The following AKAP11 variants were observed in gnomAD, a reference collection of about 807,000 sequenced individuals.
AKAP11 encodes the protein A-kinase anchoring protein 11, also known as A-kinase anchor protein 11.
In AKAP11, 36 loss-of-function variants were observed where a neutral mutation model predicts 146.1. That is an observed-to-expected ratio of 0.25 (90% CI 0.19 to 0.33). The LOEUF is 0.33. Ranked by LOEUF, AKAP11 falls within the 10% of genes least tolerant of loss-of-function variation. AKAP11 has a pLI of 1.00. For synonymous variants in AKAP11, 780 were observed against 786.5 expected, an observed-to-expected ratio of 0.99 and a Z score of 0.14; for missense variants, 2,201 against 2,197.0, an observed-to-expected ratio of 1.00 and a Z score of -0.04.
rs1961113409 is a variant in AKAP11, at chr13:42,322,165, G to A, written c.*2937G>A. On this transcript the variant is annotated 3_prime_UTR_variant, in exon 13 of 13. Transcript: ENST00000025301. ...TTAAGAGGATTCATGGTGAATATATGTGATAACATCTTTATACTTTGAAAA... is the reference window on the plus strand; with the variant it reads ...TTAAGAGGATTCATGGTGAATATATATGATAACATCTTTATACTTTGAAAA... 2 of 152,218 alleles carry A rather than the reference G, an allele frequency of 1.3e-5. No homozygotes were observed. Among genetic ancestry groups the A allele is most frequent in the African/African-American group, 4.8e-5 (2 of 41,428 alleles). 9.4% of individuals were successfully genotyped at this position (152,218 alleles called of 1,614,324 possible).
chr13:42,287,756 C>T (rs1959178214), intron 3 of AKAP11, among the ~76,000 whole-genome samples: 1 of 152,124 alleles, frequency 6.6e-6, no homozygotes. Context: ...AGACCCATAG[C>T]TTTAAATTGA....
chr13:42,275,487 G>C (rs531189090), intron 1 of AKAP11, among the ~76,000 whole-genome samples: 2 of 152,236 alleles, frequency 1.3e-5, no homozygotes, highest in Non-Finnish European at 2.9e-5. Context: ...AGTTTGCAGG[G>C]CTGCTCCTTT....
chr13:42,288,759 G>C (rs1959184751), intron 3 of AKAP11, among the ~76,000 whole-genome samples: 2 of 152,082 alleles, frequency 1.3e-5, no homozygotes, highest in Admixed American at 1.3e-4. Context: ...ATCTTGAATA[G>C]GCCAGGCTAG....
chr13:42,294,196 A>G (rs940024722), intron 4 of AKAP11, among the ~76,000 whole-genome samples: 4 of 152,158 alleles, frequency 2.6e-5, no homozygotes, highest in South Asian at 2.1e-4. Flanking sequence ...TGACTATACT[A>G]TTGTCCCCAC....
intron 4 of AKAP11, 27 bp from the exon 5 acceptor site, chr13:42,295,668 A>C: frequency 6.2e-7 from 1 of 1,606,416 alleles, no homozygotes; most frequent in Non-Finnish European, 8.5e-7. Flanking sequence ...ATTCAAATTA[A>C]TGGAGGTTTA....
Position 42,302,240 on chromosome 13 carries a change from A to T in AKAP11, c.3494A>T (p.Lys1165Ile). ...NTIEKEEFML[K>I]LMRSLSEEVE... The stretch of plus-strand genomic sequence containing the variant: ...ATAGAAAAAGAAGAGTTCATGTTGA[A>T]ACTCATGCGATCTCTTTCTGAAGAA... Residue 1165 changes from lysine (K) to isoleucine (I), a missense_variant, in exon 8 of 13, where the codon AAA becomes ATA. This residue lies in a region of AKAP11 where 1,867 missense variants were observed against 1,833.5 expected (regional missense o/e 1.02). Transcript: ENST00000025301. The T allele has an allele frequency of 3.1e-6, 5 of 1,614,204 alleles. No homozygotes were observed. Among genetic ancestry groups the T allele is most frequent in the Non-Finnish European group, 4.2e-6 (5 of 1,180,032 alleles).
intron 8 of AKAP11, among the ~76,000 whole-genome samples, chr13:42,306,105 T>TA (rs976848049): frequency 6.6e-6 from 1 of 152,150 alleles, no homozygotes; most frequent in African/African-American, 2.4e-5. Context: ...CATGGCCTCT[T>TA]ACAGAAAACA....
intron 5 of AKAP11, among the ~76,000 whole-genome samples, chr13:42,296,729 C>T (rs960923641): frequency 6.6e-6 from 1 of 151,568 alleles, no homozygotes; most frequent in African/African-American, 2.4e-5. Context: ...AAGTTAAGAC[C>T]TATATGTTGA....
In AKAP11 at chr13:42,286,318, C is replaced by T. The variant is rs1420522938; in HGVS notation, c.-31C>T. ...TCTTTAGGTGTTTTGTGGATTAACT[C>T]TTCATTGATTATATACAACAAAAAA... On this transcript the variant is annotated 5_prime_UTR_variant, in exon 3 of 13. Coordinates refer to ENST00000025301, the MANE Select transcript of AKAP11 (RefSeq NM_016248.4). 3.3e-6 allele frequency: 5 copies of T among 1,495,576 alleles called. No homozygotes were observed. The highest frequency in any genetic ancestry group is 4.6e-6 in the Non-Finnish European group (5 of 1,098,020). The allele number at this position is 1,495,576 out of a possible 1,614,324, so 92.6% of individuals were successfully genotyped here.
rs1255111888 is a variant in AKAP11, at chr13:42,272,178, G to C, written c.-150G>C. On this transcript the variant is annotated 5_prime_UTR_variant, in exon 1 of 13. Coordinates refer to ENST00000025301, the MANE Select transcript of AKAP11 (RefSeq NM_016248.4). ...GCTTGCTTGCCCGGCTCGCTCACGG[G>C]TCGTTGAGGCCGGTGACATGTCTGT... The C allele has an allele frequency of 1.3e-5, 2 of 153,116 alleles. No homozygotes were observed. The highest frequency in any genetic ancestry group is 4.8e-5 in the African/African-American group (2 of 41,408). The allele number at this position is 153,116 out of a possible 1,614,324, so 9.5% of individuals were successfully genotyped here.
At chr13:42,294,320 T>C (rs1404002073) in intron 4 of AKAP11, among the ~76,000 whole-genome samples, 1 of 152,202 alleles carries the variant, frequency 6.6e-6, no homozygotes, top group African/African-American at 2.4e-5. Context: ...AAAAAATGTC[T>C]TACTATGATG....
chr13:42,319,290 T>C lies in AKAP11; in HGVS notation c.*62T>C. On this transcript the variant is annotated 3_prime_UTR_variant, in exon 13 of 13. Coordinates refer to ENST00000025301, the MANE Select transcript of AKAP11 (RefSeq NM_016248.4). ...GGGGAGGGGAACAAGCCAATAAAGATGTTTAGGATAAAATTTGAATAGTGA... is the reference window on the plus strand; with the variant it reads ...GGGGAGGGGAACAAGCCAATAAAGACGTTTAGGATAAAATTTGAATAGTGA... The C allele has an allele frequency of 2.6e-6, 4 of 1,565,196 alleles. No homozygotes were observed. Among genetic ancestry groups the C allele is most frequent in the Middle Eastern group, 3.4e-4 (2 of 5,842 alleles).
chr13:42,321,819 C>T lies in AKAP11; in HGVS notation c.*2591C>T, dbSNP rs1346572114. 6.6e-6 allele frequency: 1 copy of T among 152,214 alleles called. No individual in the cohort carries two copies. The highest frequency in any genetic ancestry group is 1.5e-5 in the Non-Finnish European group (1 of 67,974). 9.4% of individuals were successfully genotyped at this position (152,214 alleles called of 1,614,324 possible). On this transcript the variant is annotated 3_prime_UTR_variant, in exon 13 of 13. Transcript: ENST00000025301. The stretch of plus-strand genomic sequence containing the variant: ...TGTACATTTTGGCCCTTACGAAATA[C>T]GTCTTTTTCAGAACTGTTAAAGTTT...
Position 42,319,125 on chromosome 13 carries a change from G to A in AKAP11, c.5603G>A (p.Gly1868Glu), listed in dbSNP as rs781269640. ...KQLQEKGWKVGDLLQAVLQYY... is the reference protein window; with the variant it reads ...KQLQEKGWKVEDLLQAVLQYY... ...TTACAAGAGAAAGGATGGAAAGTGG[G>A]AGACCTCCTGCAGGCTGTGCTTCAA... The change falls in exon 13 of 13, where the codon GGA becomes GAA. Residue 1868 changes from glycine (G) to glutamate (E), a missense_variant. Transcript: ENST00000025301. 6.2e-7 allele frequency: 1 copy of A among 1,613,996 alleles called. No individual in the cohort carries two copies. The highest frequency in any genetic ancestry group is 1.1e-5 in the South Asian group (1 of 91,046).
At position 42,292,467 on chromosome 13, in the gene AKAP11, G is replaced by A; in HGVS notation, c.134G>A (p.Cys45Tyr). ...CTATGCAGTGTAACAGCAGAGGACT[G>A]TTTACAGCAGGATGAGCATGCCAAT... is the stretch of plus-strand genomic sequence containing the variant. ...KELCSVTAEDCLQQDEHANLT... is the reference protein window; with the variant it reads ...KELCSVTAEDYLQQDEHANLT... Residue 45 changes from cysteine (C) to tyrosine (Y), a missense_variant, in exon 4 of 13, where the codon TGT becomes TAT. Cys to Tyr is a radical substitution (Grantham distance 194, BLOSUM62 -2). Coordinates refer to ENST00000025301, the MANE Select transcript of AKAP11 (RefSeq NM_016248.4). 1 of 1,579,758 alleles carries A rather than the reference G, an allele frequency of 6.3e-7. No homozygotes were observed. The highest frequency in any genetic ancestry group is 8.6e-7 in the Non-Finnish European group (1 of 1,156,458).
intron 1 of AKAP11, among the ~76,000 whole-genome samples, chr13:42,272,455 C>G (rs1304262579): frequency 6.6e-6 from 1 of 152,184 alleles, no homozygotes; most frequent in Non-Finnish European, 1.5e-5. Flanking sequence ...GCACCGGGCC[C>G]AGAGTAGAGG....
chr13:42,280,016 G>T (rs1959026420), intron 1 of AKAP11, among the ~76,000 whole-genome samples: 1 of 152,130 alleles, frequency 6.6e-6, no homozygotes, highest in Admixed American at 6.5e-5. Flanking sequence ...TTCTATTCTG[G>T]TGGAATATAT....
rs140243487 is a variant in AKAP11 at position 42,298,678 on chromosome 13, T to A, written c.497T>A (p.Leu166His). The change falls in exon 7 of 13, where the codon CTT (leucine) becomes CAT (histidine). Residue 166 changes from leucine (L) to histidine (H), a missense_variant. Physicochemically the swap from Leu to His is moderately conservative, Grantham distance 99. This residue lies in a region of AKAP11 where 331 missense variants were observed against 347.4 expected (regional missense o/e 0.95). Coordinates refer to ENST00000025301, the MANE Select transcript of AKAP11 (RefSeq NM_016248.4). ...ACATTCTTGCATCAGAAGCACCAAC[T>A]TGAGACCACTGATGAAGATGATGAT... Reference protein sequence around the residue: ...LDTFLHQKHQLETTDEDDDDT... With the variant: ...LDTFLHQKHQHETTDEDDDDT... 1 of 1,611,866 alleles carries A rather than the reference T, an allele frequency of 6.2e-7. No individual in the cohort carries two copies. The highest frequency in any genetic ancestry group is 2.2e-5 in the East Asian group (1 of 44,828).
chr13:42,314,686 T>C lies in AKAP11; in HGVS notation c.5404+746T>C, dbSNP rs544379065. On this transcript the variant is annotated intron_variant, in intron 11 of 12. Transcript: ENST00000025301. ...AACTTACGTGAGTCAGTAAGTAATA[T>C]TTTTACTTACCTTGTTTTCTAAAAG... 6.6e-5 allele frequency among the ~76,000 whole-genome samples: 10 copies of C among 152,274 alleles called. No homozygotes were observed. In the South Asian group the frequency reaches 2.1e-3, roughly 32 times the overall value.
Sources: allele counts gnomAD v4.1 joint callset (sites outside exome capture counted in the v4.1 genomes callset), GRCh38; gene constraint gnomAD v4.1.1; regional missense constraint gnomAD v4.1.1; transcripts MANE v1.5; gene names NCBI Gene and HGNC (gene_info 2026-07-23, HGNC 2026-07-21).